The following GULP1 variants were observed in gnomAD, a reference collection of about 807,000 sequenced individuals.
The protein encoded by GULP1 is GULP PTB domain containing engulfment adaptor 1, also known as PTB domain-containing engulfment adapter protein 1.
A neutral mutation model predicts 40.9 loss-of-function variants in GULP1; 19 were observed. That is an observed-to-expected ratio of 0.46 (90% confidence interval 0.32 to 0.68). The LOEUF is 0.68. GULP1 is among the 30% of genes least tolerant of loss of function. GULP1 has a pLI of 0.03. For missense variants in GULP1, 312 were observed against 362.2 expected (o/e 0.86, Z 1.12); for synonymous variants, 119 against 117.6 (o/e 1.01, Z -0.08).
chr2:188,374,689 A>T (rs2048065768), intron 1 of GULP1, among the ~76,000 whole-genome samples: 1 of 152,108 alleles, frequency 6.6e-6, no homozygotes, highest in Non-Finnish European at 1.5e-5. Context: ...GGATCATGGT[A>T]CTGCCATTGA....
chr2:188,306,631 G>C (rs1382484936), intron 1 of GULP1, among the ~76,000 whole-genome samples: 1 of 152,100 alleles, frequency 6.6e-6, no homozygotes, highest in African/African-American at 2.4e-5. Flanking sequence ...CTAGAGAATA[G>C]GGTAGAAAGA....
At chr2:188,326,399 G>A (rs767866944) in intron 1 of GULP1, among the ~76,000 whole-genome samples, 2 of 152,100 alleles carry the variant, frequency 1.3e-5, no homozygotes, top group Non-Finnish European at 2.9e-5. Flanking sequence ...ATGAGGCTAA[G>A]AGGATTAAAA....
chr2:188,511,310 A>G (rs546012888), intron 4 of GULP1, among the ~76,000 whole-genome samples: 1 of 152,328 alleles, frequency 6.6e-6, no homozygotes, highest in African/African-American at 2.4e-5. Flanking sequence ...CATCTGTAAA[A>G]TAATGCAAGT....
intron 2 of GULP1, among the ~76,000 whole-genome samples, chr2:188,441,066 G>A (rs1257883214): frequency 3.0e-5 from 2 of 65,756 alleles, no homozygotes; most frequent in African/African-American, 6.0e-5. Flanking sequence ...AAGCTCTGCC[G>A]GGCCAGGTAG....
chr2:188,315,989 G>A (rs1486489240), intron 1 of GULP1, among the ~76,000 whole-genome samples: 1 of 152,016 alleles, frequency 6.6e-6, no homozygotes, highest in Non-Finnish European at 1.5e-5. Flanking sequence ...AGCAGGATAT[G>A]AGTAAATTGC....
At chr2:188,549,858 T>C (rs1692989755) in intron 7 of GULP1, among the ~76,000 whole-genome samples, 1 of 151,744 alleles carries the variant, frequency 6.6e-6, no homozygotes, top group Non-Finnish European at 1.5e-5. Flanking sequence ...GTGTACTCTA[T>C]GATTCCATTT....
chr2:188,515,472 T>G (rs1168866878), intron 4 of GULP1, among the ~76,000 whole-genome samples: 1 of 152,148 alleles, frequency 6.6e-6, no homozygotes, highest in Non-Finnish European at 1.5e-5. Context: ...AATTGTTGAG[T>G]CTGGTATCTC....
chr2:188,417,885 G>GGCTCAAGT (rs2054795568), intron 2 of GULP1, among the ~76,000 whole-genome samples: 1 of 152,020 alleles, frequency 6.6e-6, no homozygotes, highest in African/African-American at 2.4e-5. Flanking sequence ...CAAACTCCTG[G>GGCTCAAGT]GCTCAAGTGA....
rs1228263897 is a variant in GULP1, at chr2:188,476,707, C to A, written c.-44-952C>A. On this transcript the variant is annotated intron_variant, in intron 2 of 11. Transcript: ENST00000409830. ...GTGAAAGGCTATCTTAATGTCAATT[C>A]ATGAATATTCTGTTGCTAGAGCAGC... Among the ~76,000 whole-genome samples, 3 of 152,102 alleles carry A rather than the reference C, an allele frequency of 2.0e-5. No homozygotes were observed. In the East Asian group the frequency reaches 5.8e-4, roughly 29 times the overall value.
intron 2 of GULP1, among the ~76,000 whole-genome samples, chr2:188,431,849 T>C (rs1183812489): frequency 6.6e-6 from 1 of 151,984 alleles, no homozygotes; most frequent in Non-Finnish European, 1.5e-5. Context: ...TTAATATCTG[T>C]AGTTTCTTCA....
intron 2 of GULP1, among the ~76,000 whole-genome samples, chr2:188,456,688 G>C (rs557663516): frequency 6.6e-6 from 1 of 152,118 alleles, no homozygotes; most frequent in Non-Finnish European, 1.5e-5. Flanking sequence ...GTCCCTACTG[G>C]GGCACCACCT....
intron 2 of GULP1, among the ~76,000 whole-genome samples, chr2:188,446,482 C>T (rs943884951): frequency 6.6e-5 from 10 of 152,078 alleles, no homozygotes; most frequent in African/African-American, 2.2e-4. Flanking sequence ...TCTTAGGTGG[C>T]GGCATAAAAT....
At chr2:188,340,978 C>G (rs1296032783) in intron 1 of GULP1, among the ~76,000 whole-genome samples, 1 of 152,136 alleles carries the variant, frequency 6.6e-6, no homozygotes, top group Non-Finnish European at 1.5e-5. Context: ...TCTCTGCTCT[C>G]TGCCAGTGGA....
intron 2 of GULP1, among the ~76,000 whole-genome samples, chr2:188,453,628 A>T (rs556201268): frequency 1.1e-4 from 17 of 152,306 alleles, no homozygotes; most frequent in Non-Finnish European, 2.4e-4. Context: ...AATAACAGTT[A>T]TTGACATATT....
intron 10 of GULP1, among the ~76,000 whole-genome samples, chr2:188,585,548 G>T (rs990291474): frequency 6.6e-6 from 1 of 152,140 alleles, no homozygotes; most frequent in African/African-American, 2.4e-5. Flanking sequence ...GCACCTGCAG[G>T]CCCAACACCA....
chr2:188,474,992 A>G (rs1321263505), intron 2 of GULP1, among the ~76,000 whole-genome samples: 1 of 152,118 alleles, frequency 6.6e-6, no homozygotes, highest in South Asian at 2.1e-4. Flanking sequence ...TTAACTATAT[A>G]TTTTATTTCA....
At chr2:188,580,521 C>T (rs956642234) in intron 9 of GULP1, among the ~76,000 whole-genome samples, 1 of 147,022 alleles carries the variant, frequency 6.8e-6, no homozygotes, top group Non-Finnish European at 1.5e-5. Context: ...CCACTGCACT[C>T]CAGCCTGGGC....
At chr2:188,408,561 C>G (rs1160717033) in intron 2 of GULP1, among the ~76,000 whole-genome samples, 1 of 151,994 alleles carries the variant, frequency 6.6e-6, no homozygotes, top group Non-Finnish European at 1.5e-5. Context: ...GACTGTAGTA[C>G]AATAATATTA....
At chr2:188,318,815 C>T (rs574389918) in intron 1 of GULP1, among the ~76,000 whole-genome samples, 17 of 152,142 alleles carry the variant, frequency 1.1e-4, no homozygotes, top group Non-Finnish European at 1.8e-4. Flanking sequence ...CTATTCTAGG[C>T]GCGCTTCCTA....
Sources: gnomAD v4.1 joint callset for allele counts (sites outside exome capture counted in the v4.1 genomes callset) on GRCh38, gnomAD v4.1.1 for gene constraint, MANE v1.5 for transcripts, NCBI Gene and HGNC (gene_info 2026-07-23, HGNC 2026-07-21) for gene names.